The following AFF3 variants were observed in gnomAD, a reference collection of about 807,000 sequenced individuals.
AFF3 encodes ALF transcription elongation factor 3, also known as AF4/FMR2 family member 3.
In AFF3, 32 loss-of-function variants were observed where a neutral mutation model predicts 129.7. The ratio of observed to expected loss-of-function variants is 0.25; its 90% confidence interval spans 0.19 to 0.33. The LOEUF (loss-of-function observed/expected upper bound fraction) is 0.33. Among genes scored for constraint, AFF3 ranks in the 10% least tolerant of loss-of-function variants. AFF3 has a pLI of 1.00. For missense variants in AFF3, 1,373 were observed against 1,592.0 expected, an observed-to-expected ratio of 0.86 and a Z score of 2.34; for synonymous variants, 644 against 635.4, an observed-to-expected ratio of 1.01 and a Z score of -0.20.
intron 13 of AFF3, among the ~76,000 whole-genome samples, chr2:99,624,630 G>T (rs1434828186): frequency 2.6e-5 from 4 of 152,142 alleles, no homozygotes; most frequent in Non-Finnish European, 5.9e-5. Flanking sequence ...GTTATTAGAG[G>T]TCAATAGAAA....
At chr2:100,059,195 G>C (rs1431647077) in intron 4 of AFF3, among the ~76,000 whole-genome samples, 4 of 128,808 alleles carry the variant, frequency 3.1e-5, no homozygotes, top group East Asian at 5.2e-4. Context: ...AGAGCCTACA[G>C]TGAACCAAGA....
intron 8 of AFF3, among the ~76,000 whole-genome samples, chr2:99,821,128 C>T (rs567833075): frequency 9.8e-4 from 149 of 152,202 alleles, no homozygotes; most frequent in Middle Eastern, 3.4e-3. Context: ...CCGTCTTGGC[C>T]TCCCAAAGTG....
intron 7 of AFF3, among the ~76,000 whole-genome samples, chr2:99,882,128 A>G (rs1282678788): frequency 6.6e-6 from 1 of 151,258 alleles, no homozygotes; most frequent in Non-Finnish European, 1.5e-5. Context: ...GCAACCCATA[A>G]ATCATTCTTC....
chr2:99,734,745 T>C (rs536306050), intron 10 of AFF3, among the ~76,000 whole-genome samples: 1 of 152,258 alleles, frequency 6.6e-6, no homozygotes, highest in Non-Finnish European at 1.5e-5. Context: ...TTTTAAAATA[T>C]ATTTTGTACT....
chr2:99,569,482 T>C (rs1676283823), intron 18 of AFF3, among the ~76,000 whole-genome samples: 1 of 152,228 alleles, frequency 6.6e-6, no homozygotes, highest in Non-Finnish European at 1.5e-5. Flanking sequence ...AATTGTAAAA[T>C]GATGTCTACC....
chr2:100,089,097 T>C (rs913822564), intron 4 of AFF3, among the ~76,000 whole-genome samples: 88 of 152,296 alleles, frequency 5.8e-4, no homozygotes, highest in Non-Finnish European at 9.0e-4. Context: ...TGTGAACCTA[T>C]GCTCTGGGGG....
At chr2:100,136,390 A>G (rs1374058693) in intron 1 of AFF3, among the ~76,000 whole-genome samples, 1 of 152,172 alleles carries the variant, frequency 6.6e-6, no homozygotes, top group African/African-American at 2.4e-5. Flanking sequence ...AGAGGAAGAG[A>G]ATGATGATCT....
At chr2:99,934,788 G>A (rs1263889743) in intron 7 of AFF3, among the ~76,000 whole-genome samples, 1 of 152,174 alleles carries the variant, frequency 6.6e-6, no homozygotes, top group Admixed American at 6.5e-5. Context: ...GGTGCACACG[G>A]CTCAGCTAGG....
chr2:100,106,693 C>T, intron 2 of AFF3: 4 of 986,132 alleles, frequency 4.1e-6, no homozygotes, highest in Non-Finnish European at 4.8e-6. Flanking sequence ...AAGGAGACCT[C>T]CCGGCCCTCA....
At chr2:99,967,424 T>C (rs943325918) in intron 7 of AFF3, among the ~76,000 whole-genome samples, 1 of 152,186 alleles carries the variant, frequency 6.6e-6, no homozygotes, top group Non-Finnish European at 1.5e-5. Context: ...TTGCATTAAA[T>C]TTGAACCATT....
At chr2:99,970,655 G>A (rs1034298492) in intron 7 of AFF3, among the ~76,000 whole-genome samples, 18 of 152,224 alleles carry the variant, frequency 1.2e-4, no homozygotes, top group Non-Finnish European at 2.5e-4. Context: ...TCCCCTTCCT[G>A]CACGTCCAAG....
intron 13 of AFF3, among the ~76,000 whole-genome samples, chr2:99,610,984 C>A (rs1278808047): frequency 6.6e-6 from 1 of 152,186 alleles, no homozygotes; most frequent in African/African-American, 2.4e-5. Flanking sequence ...CTTCTCTACC[C>A]CCCAGTCTGT....
intron 8 of AFF3, among the ~76,000 whole-genome samples, chr2:99,781,442 T>C (rs1053272651): frequency 1.3e-5 from 2 of 152,250 alleles, no homozygotes; most frequent in African/African-American, 2.4e-5. Flanking sequence ...TCTCTGTTTG[T>C]TCATTGCTAT....
chr2:99,667,209 A>G (rs1216867606), intron 12 of AFF3, among the ~76,000 whole-genome samples: 1 of 152,232 alleles, frequency 6.6e-6, no homozygotes, highest in Non-Finnish European at 1.5e-5. Context: ...TAAAGGAACC[A>G]AACTAGAAAC....
At position 99,929,339 on chromosome 2, in the gene AFF3, T is replaced by C. The variant is rs571800947; in HGVS notation, c.873+77293A>G. ...CAAAACTCCATCTCAAAAGAATAAA[T>C]AAATAAAATAAAATAAAAAGGCTTA... On this transcript the variant is annotated intron_variant, in intron 7 of 24. Transcript: ENST00000672756. Among the ~76,000 whole-genome samples, 7 of 151,318 alleles carry C rather than the reference T, an allele frequency of 4.6e-5. No individual in the cohort carries two copies. The East Asian group carries it at 1.4e-3, about 29-fold the overall frequency.
chr2:99,752,142 A>C, intron 9 of AFF3, 79 bp downstream of exon 9: 1 of 1,277,840 alleles, frequency 7.8e-7, no homozygotes, highest in South Asian at 1.3e-5. Context: ...AGAAAAGACA[A>C]TCACGGGTAA....
intron 9 of AFF3, among the ~76,000 whole-genome samples, chr2:99,748,211 C>A (rs1681332208): frequency 6.6e-6 from 1 of 152,210 alleles, no homozygotes; most frequent in African/African-American, 2.4e-5. Flanking sequence ...AGGGACCACA[C>A]ACTGAAGTCC....
chr2:99,631,703 A>C (rs1683133297), intron 13 of AFF3, among the ~76,000 whole-genome samples: 1 of 152,202 alleles, frequency 6.6e-6, no homozygotes, highest in African/African-American at 2.4e-5. Context: ...TGTAATGCTG[A>C]ATGATATTCC....
intron 4 of AFF3, among the ~76,000 whole-genome samples, chr2:100,100,501 T>C (rs1042065550): frequency 6.6e-6 from 1 of 152,202 alleles, no homozygotes; most frequent in African/African-American, 2.4e-5. Context: ...ACCTATTTCA[T>C]GGAAGCCTTT....
Sources: allele counts gnomAD v4.1 joint callset (sites outside exome capture counted in the v4.1 genomes callset), GRCh38; gene constraint gnomAD v4.1.1; transcripts MANE v1.5; gene names NCBI Gene and HGNC (gene_info 2026-07-23, HGNC 2026-07-21).